Variants in RBM22 observed in about 807,000 individuals in gnomAD.
RBM22 encodes the protein pre-mRNA-splicing factor RBM22.
A neutral mutation model predicts 50.1 loss-of-function variants in RBM22; 1 was observed. The observed-to-expected ratio is 0.02, with a 90% CI of 0.01 to 0.09. The LOEUF (loss-of-function observed/expected upper bound fraction) is 0.09, where lower values mean the gene tolerates loss of function less well. RBM22 is among the 10% of genes least tolerant of loss of function. The pLI is 1.00. For synonymous variants in RBM22, 152 were observed against 179.0 expected (o/e 0.85, Z 1.20); for missense variants, 264 against 529.3 (o/e 0.50, Z 4.92).
rs1193414754 is a variant in RBM22, at chr5:150,695,571, C to T, written c.681G>A (p.Glu227=). The change falls in exon 7 of 11, where the codon GAG becomes GAA. Residue 227 remains glutamate, a synonymous_variant. Coordinates refer to ENST00000199814, the MANE Select transcript of RBM22 (RefSeq NM_018047.3). ...ASTMPRLDPP[E]DKTITTLYVG... ...CATATAGTGTGGTGATAGTTTTATC[C>T]TCTGGTGGGTCCAGCCGAGGCATTG... 1.9e-6 allele frequency: 3 copies of T among 1,613,838 alleles called. No individual in the cohort carries two copies. Among genetic ancestry groups the T allele is most frequent in the Admixed American group, 3.3e-5 (2 of 59,984 alleles).
At chr5:150,699,322 C>T (rs754212747) in intron 2 of RBM22, 51 bp from the exon 3 acceptor site, 2 of 1,526,796 alleles carry the variant, frequency 1.3e-6, no homozygotes, top group East Asian at 4.7e-5. Flanking sequence ...AAGAAAAAAG[C>T]CAGATGTCTA....
In RBM22 at chr5:150,691,835, G is replaced by C. The variant is rs1759213078; in HGVS notation, c.1179C>G (p.Phe393Leu). The change falls in exon 11 of 11, where the codon TTC (phenylalanine) becomes TTG (leucine). Residue 393 changes from phenylalanine (F) to leucine (L), a missense_variant. By Grantham distance (22) the Phe-to-Leu change is conservative (BLOSUM62 0). This residue lies in a region of RBM22 where 106 missense variants were observed against 137.1 expected (regional missense o/e 0.77). Transcript: ENST00000199814. ...MFHPMGPPPPFMRAPGPIHYP... is the reference protein window; with the variant it reads ...MFHPMGPPPPLMRAPGPIHYP... The stretch of plus-strand genomic sequence containing the variant: ...AGTGGATTGGTCCTGGAGCCCGCAT[G>C]AAAGGAGGGGGTGGTCCCATTGGGT... 1.9e-6 allele frequency: 3 copies of C among 1,601,124 alleles called. No individual in the cohort carries two copies. Among genetic ancestry groups the C allele is most frequent in the African/African-American group, 2.7e-5 (2 of 74,730 alleles).
chr5:150,700,874 C>T (rs1367907117), intron 1 of RBM22, 58 bp downstream of exon 1: 16 of 1,614,128 alleles, frequency 9.9e-6, no homozygotes, highest in Non-Finnish European at 1.3e-5. Context: ...GTCCTGCCAG[C>T]TTGCAAGGTG....
intron 4 of RBM22, among the ~76,000 whole-genome samples, chr5:150,698,039 T>C (rs1029663080): frequency 8.5e-5 from 13 of 152,258 alleles, no homozygotes; most frequent in African/African-American, 3.1e-4. Context: ...AGAGGATCCC[T>C]TGAGCCCAGG....
At chr5:150,700,239 T>C (rs186023237) in intron 2 of RBM22, among the ~76,000 whole-genome samples, 4 of 152,198 alleles carry the variant, frequency 2.6e-5, no homozygotes, top group Admixed American at 6.5e-5. Context: ...CAACAAATAC[T>C]AGCTATCGTT....
At chr5:150,694,472 T>C (rs919246562) in intron 7 of RBM22, 1 of 594,312 alleles carries the variant, frequency 1.7e-6, no homozygotes, top group Non-Finnish European at 2.6e-6. Context: ...ATCTCAGGGT[T>C]TTTTCCCATG....
rs967254562 is a variant in RBM22 at position 150,690,985 on chromosome 5, C to A, written c.*766G>T. On this transcript the variant is annotated 3_prime_UTR_variant, in exon 11 of 11. Transcript: ENST00000199814. ...CAGGAGGTCACGTCTTTCATTCAGA[C>A]GCTCCAATGCTTTTCATTTCAGTTT... is the stretch of plus-strand genomic sequence containing the variant. 1 of 152,312 alleles carries A rather than the reference C, an allele frequency of 6.6e-6. No individual in the cohort carries two copies. The highest frequency in any genetic ancestry group is 2.4e-5 in the African/African-American group (1 of 41,452). 9.4% of individuals were successfully genotyped at this position (152,312 alleles called of 1,614,324 possible).
At position 150,692,770 on chromosome 5, in the gene RBM22, A is replaced by G. The variant is rs886406771; in HGVS notation, c.1132+125T>C. 12 of 1,127,428 alleles carry G rather than the reference A, an allele frequency of 1.1e-5. No individual in the cohort carries two copies. The Admixed American group carries it at 3.2e-4, about 30-fold the overall frequency. The allele number at this position is 1,127,428 out of a possible 1,614,324, so 69.8% of individuals were successfully genotyped here. A position where few individuals can be genotyped will look rare whatever the true frequency, so the allele number is the denominator to read the frequency against. On this transcript the variant is annotated intron_variant, in intron 10 of 10. Transcript: ENST00000199814. Reference sequence around the variant, plus strand: ...AAATTTCAGAAATCCCAACAGATCAACTTTACTGGTAGACTTCTACAGAGC... The same window carrying G: ...AAATTTCAGAAATCCCAACAGATCAGCTTTACTGGTAGACTTCTACAGAGC...
chr5:150,699,383 C>T, intron 2 of RBM22, 112 bp from the exon 3 acceptor site: 1 of 1,387,918 alleles, frequency 7.2e-7, no homozygotes, highest in South Asian at 1.5e-5. Flanking sequence ...CCCTGGCATC[C>T]TAGAGAGAGA....
rs753094845 is a variant in RBM22, at chr5:150,698,636, A to G, written c.139-5T>C. ...TGTGAATGGCCTGGCACAGATCTGG[A>G]ACACAAAGCAAGAGCCATAGAATGT... On this transcript the variant is annotated splice_polypyrimidine_tract_variant and splice_region_variant and intron_variant, in intron 3 of 10. Coordinates refer to ENST00000199814, the MANE Select transcript of RBM22 (RefSeq NM_018047.3). The G allele has an allele frequency of 1.9e-5, 31 of 1,613,752 alleles. No individual in the cohort carries two copies. Among genetic ancestry groups the G allele is most frequent in the Non-Finnish European group, 2.6e-5 (31 of 1,180,008 alleles).
chr5:150,695,321 A>T (rs1352537295), intron 7 of RBM22, 185 bp downstream of exon 7: 2 of 599,636 alleles, frequency 3.3e-6, no homozygotes, highest in Admixed American at 6.2e-5. Context: ...CAGCCACATA[A>T]GCACATTATT....
At chr5:150,694,333 C>A in intron 7 of RBM22, 93 bp from the exon 8 acceptor site, 2 of 1,475,688 alleles carry the variant, frequency 1.4e-6, no homozygotes, top group Non-Finnish European at 1.8e-6. Flanking sequence ...TGACACACCA[C>A]TAGGCAGGTG....
chr5:150,694,914 T>C (rs1759255066), intron 7 of RBM22: 1 of 152,770 alleles, frequency 6.5e-6, no homozygotes, highest in Non-Finnish European at 1.5e-5. Context: ...CGCAAAGCTC[T>C]CCCTCCTCTA....
chr5:150,694,203 T>C lies in RBM22; in HGVS notation c.784A>G (p.Thr262Ala). 2 of 1,613,998 alleles carry C rather than the reference T, an allele frequency of 1.2e-6. No individual in the cohort carries two copies. The highest frequency in any genetic ancestry group is 1.7e-6 in the Non-Finnish European group (2 of 1,179,948). ...FYQFGEIRTI[T>A]VVQRQQCAFI... ...GCACACTGCTGTCTCTGCACAACAGTGATCGTCCGGATCTCTCCGAACTGG... is the reference window on the plus strand; with the variant it reads ...GCACACTGCTGTCTCTGCACAACAGCGATCGTCCGGATCTCTCCGAACTGG... The change falls in exon 8 of 11, where the codon ACT becomes GCT. Residue 262 changes from threonine (T) to alanine (A), a missense_variant. Thr to Ala is a moderately conservative substitution (Grantham distance 58). Around this residue, in one of 7 missense-constraint regions of RBM22, gnomAD observed 62 missense variants for 102.6 expected, o/e 0.60. Coordinates refer to ENST00000199814, the MANE Select transcript of RBM22 (RefSeq NM_018047.3).
chr5:150,697,329 G>C (rs1253797909), intron 4 of RBM22, among the ~76,000 whole-genome samples: 2 of 152,126 alleles, frequency 1.3e-5, no homozygotes, highest in Non-Finnish European at 2.9e-5. Context: ...GGCTGAGGTG[G>C]ATCACCTGAG....
Position 150,700,501 on chromosome 5 carries a change from G to C in RBM22, c.55-4C>G. 1 of 1,614,146 alleles carries C rather than the reference G, an allele frequency of 6.2e-7. No individual in the cohort carries two copies. Among genetic ancestry groups the C allele is most frequent in the African/African-American group, 1.3e-5 (1 of 75,030 alleles). ...TCTGGCACAGAATGGGGAAGTCCTGGTGAAAATGGGAAATCTGGTTGAGGA... is the reference window on the plus strand; with the variant it reads ...TCTGGCACAGAATGGGGAAGTCCTGCTGAAAATGGGAAATCTGGTTGAGGA... On this transcript the variant is annotated splice_polypyrimidine_tract_variant and splice_region_variant and intron_variant, in intron 1 of 10. Coordinates refer to ENST00000199814, the MANE Select transcript of RBM22 (RefSeq NM_018047.3).
rs2151456722 is a variant in RBM22, at chr5:150,695,625, T to C, written c.627A>G (p.Val209=). 1.2e-6 allele frequency: 2 copies of C among 1,613,216 alleles called. No homozygotes were observed. Among genetic ancestry groups the C allele is most frequent in the Non-Finnish European group, 1.7e-6 (2 of 1,179,588 alleles). The part of the protein sequence containing the change: ...KDRYYGINDP[V]ADKLLKRAST... Reference sequence around the variant, plus strand: ...AAGCCCGCTTTAGAAGCTTGTCAGCTACAGGATCATTGATTCCGTAATAAC... The same window carrying C: ...AAGCCCGCTTTAGAAGCTTGTCAGCCACAGGATCATTGATTCCGTAATAAC... The change falls in exon 7 of 11, where the codon GTA becomes GTG. Residue 209 remains valine (V), a synonymous_variant. Coordinates refer to ENST00000199814, the MANE Select transcript of RBM22 (RefSeq NM_018047.3).
In RBM22 at chr5:150,700,894, GCCT is replaced by G. The variant is rs756631789; in HGVS notation, c.54+35_54+37del. 2.5e-6 allele frequency: 4 copies of G among 1,614,056 alleles called. No individual in the cohort carries two copies. The Admixed American group carries it at 5.0e-5, about 20-fold the overall frequency. On this transcript the variant is annotated intron_variant, in intron 1 of 10. Coordinates refer to ENST00000199814, the MANE Select transcript of RBM22 (RefSeq NM_018047.3). ...GCCAGCTTGCAAGGTGCGCGGCTTC[GCCT>G]CCTCCTTCCATCCTCCTCCGGCAGG...
intron 9 of RBM22, 58 bp from the exon 10 acceptor site, chr5:150,693,084 C>G: frequency 1.9e-6 from 3 of 1,563,990 alleles, no homozygotes; most frequent in Non-Finnish European, 2.6e-6. Context: ...AACGCTGTTT[C>G]TACCACCTTT....
Sources: allele counts gnomAD v4.1 joint callset (sites outside exome capture counted in the v4.1 genomes callset), GRCh38; gene constraint gnomAD v4.1.1; regional missense constraint gnomAD v4.1.1; transcripts MANE v1.5; gene names NCBI Gene and HGNC (gene_info 2026-07-23, HGNC 2026-07-21).